FYB2: variants seen among roughly 807,000 people sequenced by gnomAD.
The protein encoded by FYB2 is FYN binding protein 2.
A neutral mutation model predicts 94.1 loss-of-function variants in FYB2; 103 were observed. That is an observed-to-expected ratio of 1.09 (90% CI 0.93 to 1.29). The LOEUF is 1.29. Ranked by LOEUF, FYB2 falls within the 50% of genes most tolerant of loss-of-function variation. The pLI, the probability that FYB2 is intolerant of heterozygous loss-of-function variation, is 0.00. For synonymous variants in FYB2, 293 were observed against 287.9 expected (o/e 1.02, Z -0.18); for missense variants, 896 against 841.5 (o/e 1.06, Z -0.80).
At chr1:56,780,829 G>A (rs1476212102) in intron 4 of FYB2, among the ~76,000 whole-genome samples, 3 of 152,150 alleles carry the variant, frequency 2.0e-5, no homozygotes. Context: ...TGTCCCTGAA[G>A]TCCAATTAAA....
At chr1:56,733,169 A>T (rs1028291873) in intron 15 of FYB2, among the ~76,000 whole-genome samples, 1 of 152,032 alleles carries the variant, frequency 6.6e-6, no homozygotes, top group Non-Finnish European at 1.5e-5. Context: ...GGGCAAATGA[A>T]CAGACATTTC....
Position 56,719,246 on chromosome 1 carries a change from C to A in FYB2, c.*425G>T, listed in dbSNP as rs1409600553. 1 of 159,046 alleles carries A rather than the reference C, an allele frequency of 6.3e-6. No individual in the cohort carries two copies. 9.9% of individuals were successfully genotyped at this position (159,046 alleles called of 1,614,324 possible). A position where few individuals can be genotyped will look rare whatever the true frequency, so the allele number is the denominator to read the frequency against. ...GACCTTGGTTACACTGTTTACTGTT[C>A]AGAATTAAATTATACCAAGTTTGAG... On this transcript the variant is annotated 3_prime_UTR_variant, in exon 20 of 20. Transcript: ENST00000343433.
intron 14 of FYB2, 134 bp downstream of exon 14, chr1:56,738,491 C>CTT (rs1644879194): frequency 3.4e-6 from 3 of 894,876 alleles, no homozygotes; most frequent in South Asian, 4.3e-5. Context: ...CCGTGTGAAA[C>CTT]ATCTTCTTTG....
At position 56,744,194 on chromosome 1, in the gene FYB2, G is replaced by A. The variant is rs767925458; in HGVS notation, c.1460C>T (p.Ser487Leu). The A allele has an allele frequency of 3.3e-5, 53 of 1,612,310 alleles. No homozygotes were observed. In the Middle Eastern group the frequency reaches 6.6e-4, roughly 20 times the overall value. ...CTCGACATCATCATATATCTCCTCC[G>A]AGATGGAACTTGTCTTAGAGACCCC... ...DLGVSKTSSI[S>L]EEIYDDVEYS... The change falls in exon 10 of 20, where the codon TCG becomes TTG. Residue 487 changes from serine (S) to leucine (L), a missense_variant. By Grantham distance (145) the Ser-to-Leu change is moderately radical (BLOSUM62 -2). Transcript: ENST00000343433.
intron 8 of FYB2, among the ~76,000 whole-genome samples, chr1:56,751,532 T>C (rs1392400957): frequency 6.6e-6 from 1 of 152,042 alleles, no homozygotes; most frequent in Non-Finnish European, 1.5e-5. Flanking sequence ...TCAGTTCTCT[T>C]GATAAAGAGT....
chr1:56,825,834 C>T, the FYB2 span, among the ~76,000 whole-genome samples: 1 of 152,172 alleles, frequency 6.6e-6, no homozygotes, highest in Non-Finnish European at 1.5e-5. Flanking sequence ...TGCATTTCTC[C>T]CTTGGGTGTT....
the FYB2 span, among the ~76,000 whole-genome samples, chr1:56,825,399 C>T: frequency 6.6e-6 from 1 of 152,160 alleles, no homozygotes; most frequent in Non-Finnish European, 1.5e-5. Context: ...ACCCTGCTCA[C>T]CTGCTCCCTT....
rs2100636155 is a variant in FYB2 at position 56,744,181 on chromosome 1, A to G, written c.1473T>C (p.Tyr491=). 6.2e-7 allele frequency: 1 copy of G among 1,612,724 alleles called. No homozygotes were observed. The highest frequency in any genetic ancestry group is 2.2e-5 in the East Asian group (1 of 44,802). Residue 491 remains tyrosine, a synonymous_variant, in exon 10 of 20, where the codon TAT becomes TAC. Coordinates refer to ENST00000343433, the MANE Select transcript of FYB2 (RefSeq NM_001004303.5). ...SKTSSISEEI[Y]DDVEYSRKEV... ...CTTTCCTGGAGTACTCGACATCATCATATATCTCCTCCGAGATGGAACTTG... is the reference window on the plus strand; with the variant it reads ...CTTTCCTGGAGTACTCGACATCATCGTATATCTCCTCCGAGATGGAACTTG...
intron 9 of FYB2, among the ~76,000 whole-genome samples, chr1:56,749,452 T>G (rs1645145397): frequency 6.6e-6 from 1 of 152,042 alleles, no homozygotes; most frequent in Non-Finnish European, 1.5e-5. Context: ...TTTAGTTCAC[T>G]AATTTTCTCT....
chr1:56,824,055 A>G (rs949263799), upstream of FYB2: 2 of 152,236 alleles, frequency 1.3e-5, no homozygotes, highest in Non-Finnish European at 2.9e-5. Context: ...ACTTCAAGGC[A>G]TAGACATACC....
chr1:56,819,138 G>C (rs1646954730), intron 1 of FYB2, 144 bp downstream of exon 1: 1 of 508,250 alleles, frequency 2.0e-6, no homozygotes, highest in South Asian at 1.6e-5. Context: ...GAGCAGAAAT[G>C]CACTGGCTGA....
intron 2 of FYB2, among the ~76,000 whole-genome samples, chr1:56,791,319 A>C (rs1646259665): frequency 6.6e-6 from 1 of 151,218 alleles, no homozygotes; most frequent in Non-Finnish European, 1.5e-5. Context: ...GAAGTGGTAC[A>C]ATTTTGGCTC....
intron 1 of FYB2, among the ~76,000 whole-genome samples, chr1:56,809,196 A>G (rs531971098): frequency 8.5e-5 from 13 of 152,248 alleles, no homozygotes; most frequent in Non-Finnish European, 1.5e-4. Context: ...TTCTAGGCAA[A>G]TGGGTAACTT....
At chr1:56,768,989 T>C (rs528926398) in intron 4 of FYB2, among the ~76,000 whole-genome samples, 2 of 152,044 alleles carry the variant, frequency 1.3e-5, no homozygotes, top group Non-Finnish European at 2.9e-5. Flanking sequence ...GGCTGAAAAG[T>C]AGACTAGATG....
chr1:56,802,722 A>C (rs1042039707), intron 1 of FYB2, among the ~76,000 whole-genome samples: 1 of 152,236 alleles, frequency 6.6e-6, no homozygotes, highest in Non-Finnish European at 1.5e-5. Flanking sequence ...TTTCAAGGCA[A>C]TAAGAGAGGA....
At position 56,792,226 on chromosome 1, in the gene FYB2, G is replaced by C. The variant is rs1646285695; in HGVS notation, c.587C>G (p.Ser196Cys). 6.2e-7 allele frequency: 1 copy of C among 1,613,734 alleles called. No individual in the cohort carries two copies. The highest frequency in any genetic ancestry group is 8.5e-7 in the Non-Finnish European group (1 of 1,179,900). Reference sequence around the variant, plus strand: ...TTTGGGGGCCACCACGTGCTTCTGGGAAGGAAGAGTCTGGGCTCCTTTTGT... The same window carrying C: ...TTTGGGGGCCACCACGTGCTTCTGGCAAGGAAGAGTCTGGGCTCCTTTTGT... ...LETKGAQTLP[S>C]QKHVVAPKIL... The change falls in exon 2 of 20, where the codon TCC becomes TGC. Residue 196 changes from serine (S) to cysteine (C), a missense_variant. Transcript: ENST00000343433.
In FYB2 at chr1:56,732,324, T is replaced by C. The variant is rs117047893; in HGVS notation, c.1793+4763A>G. Among the ~76,000 whole-genome samples, 1,120 of 152,218 alleles carry C rather than the reference T, an allele frequency of 7.4e-3. 27 individuals are homozygous for C. The highest frequency in any genetic ancestry group is 0.069 in the South Asian group (335 of 4,826). On this transcript the variant is annotated intron_variant, in intron 15 of 19. Coordinates refer to ENST00000343433, the MANE Select transcript of FYB2 (RefSeq NM_001004303.5). ...AATGACACAACACTGATGAAATAAATTGTAGATGATGTAAACAAATGGAAG... is the reference window on the plus strand; with the variant it reads ...AATGACACAACACTGATGAAATAAACTGTAGATGATGTAAACAAATGGAAG...
chr1:56,812,919 A>G (rs1281935525), intron 1 of FYB2, among the ~76,000 whole-genome samples: 1 of 152,222 alleles, frequency 6.6e-6, no homozygotes, highest in East Asian at 1.9e-4. Flanking sequence ...ACCACAGACT[A>G]TGTGGCTTCA....
intron 1 of FYB2, among the ~76,000 whole-genome samples, chr1:56,800,459 C>T (rs1355483554): frequency 6.6e-6 from 1 of 151,886 alleles, no homozygotes; most frequent in African/African-American, 2.4e-5. Context: ...TAAAAGCTTC[C>T]TATGTAAAGG....
Sources: allele counts gnomAD v4.1 joint callset (sites outside exome capture counted in the v4.1 genomes callset), GRCh38; gene constraint gnomAD v4.1.1; transcripts MANE v1.5; gene names NCBI Gene and HGNC (gene_info 2026-07-23, HGNC 2026-07-21).